Variants in TMEM108 observed in about 807,000 individuals in gnomAD.
The protein encoded by TMEM108 is cancer/testis antigen 124.
TMEM108 carries 12 observed loss-of-function variants against 35.1 expected under a neutral mutation model. The ratio of observed to expected loss-of-function variants is 0.34; its 90% CI spans 0.22 to 0.55. The LOEUF (loss-of-function observed/expected upper bound fraction) is 0.55, where lower values mean the gene tolerates loss of function less well. TMEM108 is among the 20% of genes least tolerant of loss of function. TMEM108 has a pLI of 0.89. For missense variants in TMEM108, 680 were observed against 753.3 expected, an observed-to-expected ratio of 0.90 and a Z score of 1.14; for synonymous variants, 287 against 308.6, an observed-to-expected ratio of 0.93 and a Z score of 0.73.
At chr3:133,302,662 C>T (rs184556534) in intron 3 of TMEM108, among the ~76,000 whole-genome samples, 166 of 152,156 alleles carry the variant, frequency 1.1e-3, no homozygotes, top group African/African-American at 3.6e-3. Flanking sequence ...CCTCATGATC[C>T]TCCCGCCTCG....
intron 2 of TMEM108, among the ~76,000 whole-genome samples, chr3:133,173,167 C>T (rs1000897284): frequency 6.6e-6 from 1 of 152,196 alleles, no homozygotes; most frequent in Admixed American, 6.5e-5. Context: ...GCAGCAAGAA[C>T]TTTGAGAAAC....
At chr3:133,126,279 A>G (rs1944414976) in intron 2 of TMEM108, among the ~76,000 whole-genome samples, 1 of 152,118 alleles carries the variant, frequency 6.6e-6, no homozygotes, top group African/African-American at 2.4e-5. Flanking sequence ...AGCCTGACCA[A>G]TATGGTTAAA....
At chr3:133,198,463 T>C (rs1040926282) in intron 2 of TMEM108, among the ~76,000 whole-genome samples, 3 of 152,322 alleles carry the variant, frequency 2.0e-5, no homozygotes. Context: ...GAGGATAAAA[T>C]TGATTTCTTT....
rs375156025 is a variant in TMEM108 at position 133,200,010 on chromosome 3, C to T, written c.-46-29256C>T. Among the ~76,000 whole-genome samples, 4 of 152,322 alleles carry T rather than the reference C, an allele frequency of 2.6e-5. No individual in the cohort carries two copies. The East Asian group carries it at 7.7e-4, about 29-fold the overall frequency. The stretch of plus-strand genomic sequence containing the variant: ...CCTCACTGCCACCTTGCAGTTCGAT[C>T]TCAGACTGCTGTGCTAGCAGTGAGT... On this transcript the variant is annotated intron_variant, in intron 2 of 5. Transcript: ENST00000321871.
rs569864623 is a variant in TMEM108 at position 133,305,192 on chromosome 3, T to G, written c.41-74560T>G. ...TGGAATACTATGCAGCCATAAAAAA[T>G]GATGAGTTCATGTCCTTTGTAGGGA... is the stretch of plus-strand genomic sequence containing the variant. On this transcript the variant is annotated intron_variant, in intron 3 of 5. Coordinates refer to ENST00000321871, the MANE Select transcript of TMEM108 (RefSeq NM_023943.4). Among the ~76,000 whole-genome samples, 293 of 151,754 alleles carry G rather than the reference T, an allele frequency of 1.9e-3. 1 individual carries two copies. Among genetic ancestry groups the G allele is most frequent in the Non-Finnish European group, 3.3e-3 (226 of 67,900 alleles).
At chr3:133,354,906 T>C (rs888686812) in intron 3 of TMEM108, among the ~76,000 whole-genome samples, 6 of 152,122 alleles carry the variant, frequency 3.9e-5, no homozygotes, top group Admixed American at 3.9e-4. Flanking sequence ...CTAGCTGTAG[T>C]TCACTTCTGA....
intron 2 of TMEM108, among the ~76,000 whole-genome samples, chr3:133,175,965 G>A (rs2107795905): frequency 6.6e-6 from 1 of 152,268 alleles, no homozygotes; most frequent in South Asian, 2.1e-4. Context: ...CAAAATAAAG[G>A]GATGGAGGAA....
Position 133,379,760 on chromosome 3 carries a change from C to A in TMEM108, c.49C>A (p.Leu17Met). The change falls in exon 4 of 6, where the codon CTG becomes ATG. Residue 17 changes from leucine (L) to methionine (M), a missense_variant. This residue lies in a region of TMEM108 where 49 missense variants were observed against 70.6 expected (regional missense o/e 0.69). Transcript: ENST00000321871. ...TCTGTCTCCTTTTCAAGGTTTCCTG[C>A]TGATCTTGGCACTGACCGAAGCGCT... The part of the protein sequence containing the change: ...ALYCQLLSFL[L>M]ILALTEALAF... The A allele has an allele frequency of 6.2e-7, 1 of 1,612,658 alleles. No homozygotes were observed. Among genetic ancestry groups the A allele is most frequent in the Non-Finnish European group, 8.5e-7 (1 of 1,179,212 alleles).
intron 3 of TMEM108, among the ~76,000 whole-genome samples, chr3:133,313,454 G>A (rs2071159570): frequency 6.6e-6 from 1 of 151,950 alleles, no homozygotes; most frequent in Non-Finnish European, 1.5e-5. Flanking sequence ...CAAAGTGCTG[G>A]GATTACAGGC....
intron 2 of TMEM108, among the ~76,000 whole-genome samples, chr3:133,173,082 G>T (rs1292873370): frequency 6.6e-6 from 1 of 152,120 alleles, no homozygotes; most frequent in Admixed American, 6.5e-5. Context: ...AGCAGCATGA[G>T]AACAGACTAC....
intron 2 of TMEM108, among the ~76,000 whole-genome samples, chr3:133,209,014 C>T (rs1390047551): frequency 6.6e-6 from 1 of 152,096 alleles, no homozygotes; most frequent in African/African-American, 2.4e-5. Context: ...AGACGTTGTA[C>T]CCATTTTATT....
chr3:133,078,287 C>T (rs377218155), intron 2 of TMEM108, among the ~76,000 whole-genome samples: 6 of 152,260 alleles, frequency 3.9e-5, no homozygotes, highest in East Asian at 3.9e-4. Context: ...TCAGTCCTTT[C>T]GGACATGCAC....
At chr3:133,119,885 A>G (rs905747384) in intron 2 of TMEM108, among the ~76,000 whole-genome samples, 2 of 152,192 alleles carry the variant, frequency 1.3e-5, no homozygotes, top group Non-Finnish European at 2.9e-5. Context: ...ATCTGGTACA[A>G]TTACATCCTT....
At chr3:133,259,684 C>T (rs1447171954) in intron 3 of TMEM108, among the ~76,000 whole-genome samples, 3 of 152,168 alleles carry the variant, frequency 2.0e-5, no homozygotes, top group Non-Finnish European at 2.9e-5. Flanking sequence ...AATAGGAGGA[C>T]AAGAGTACCT....
At chr3:133,231,184 C>T (rs1341354509) in intron 3 of TMEM108, among the ~76,000 whole-genome samples, 1 of 152,040 alleles carries the variant, frequency 6.6e-6, no homozygotes, top group Non-Finnish European at 1.5e-5. Flanking sequence ...TCAACACACA[C>T]AATATGTTAT....
At chr3:133,386,921 C>T in intron 4 of TMEM108, 1 of 781,234 alleles carries the variant, frequency 1.3e-6, no homozygotes, top group Non-Finnish European at 1.6e-6. Context: ...ATGGGAAGAG[C>T]AATAGTGCCT....
In TMEM108 at chr3:133,390,329, T is replaced by C. The variant is rs552711867; in HGVS notation, c.1600T>C (p.Ser534Pro). The change falls in exon 5 of 6, where the codon TCT becomes CCT. Residue 534 changes from serine to proline, a missense_variant. Coordinates refer to ENST00000321871, the MANE Select transcript of TMEM108 (RefSeq NM_023943.4). ...CAGGGAGATCCAGTCCCTTGAAACC[T>C]CTGAGGTAATGAGCTTGAAAGTGCT... is the stretch of plus-strand genomic sequence containing the variant. ...LPREIQSLETSEDQLSEPRSP... is the reference protein window; with the variant it reads ...LPREIQSLETPEDQLSEPRSP... The C allele has an allele frequency of 3.7e-6, 6 of 1,613,992 alleles. No individual in the cohort carries two copies. In the South Asian group the frequency reaches 5.5e-5, roughly 15 times the overall value.
chr3:133,173,975 C>T (rs1164832744), intron 2 of TMEM108, among the ~76,000 whole-genome samples: 1 of 152,204 alleles, frequency 6.6e-6, no homozygotes. Flanking sequence ...GGGTCACTCC[C>T]ACCCTCATAC....
At chr3:133,307,593 T>A (rs2071059834) in intron 3 of TMEM108, among the ~76,000 whole-genome samples, 1 of 152,210 alleles carries the variant, frequency 6.6e-6, no homozygotes, top group Admixed American at 6.5e-5. Flanking sequence ...TACATATGGC[T>A]AGCCAGTTTT....
Sources: allele counts gnomAD v4.1 joint callset (sites outside exome capture counted in the v4.1 genomes callset), GRCh38; gene constraint gnomAD v4.1.1; regional missense constraint gnomAD v4.1.1; transcripts MANE v1.5; gene names NCBI Gene and HGNC (gene_info 2026-07-23, HGNC 2026-07-21).